Variants in CPLX4 observed in about 807,000 individuals in gnomAD.
CPLX4 encodes complexin-4.
Under a neutral mutation model 16.1 loss-of-function variants are expected in CPLX4, and 17 were observed. That is an observed-to-expected ratio of 1.06 (90% CI 0.72 to 1.59). CPLX4 has a LOEUF of 1.59. Ranked by LOEUF, CPLX4 falls within the 40% of genes most tolerant of loss-of-function variation. The probability of loss-of-function intolerance (pLI) is 0.00; values close to 1 mark genes in which losing one functional copy is unlikely to be tolerated. For missense variants in CPLX4, 193 were observed against 192.9 expected (o/e 1.00, Z 0.00); for synonymous variants, 55 against 57.8 (o/e 0.95, Z 0.22).
intron 2 of CPLX4, among the ~76,000 whole-genome samples, chr18:59,301,397 A>G (rs1289240614): frequency 6.6e-6 from 1 of 152,214 alleles, no homozygotes; most frequent in Non-Finnish European, 1.5e-5. Context: ...GGTGTACTCG[A>G]TGGCTGTGGT....
intron 2 of CPLX4, among the ~76,000 whole-genome samples, chr18:59,308,615 G>A (rs1191305793): frequency 6.8e-6 from 1 of 146,166 alleles, no homozygotes; most frequent in Non-Finnish European, 1.5e-5. Context: ...ACCACCCGCA[G>A]CCCGGGTTCC....
intron 1 of CPLX4, among the ~76,000 whole-genome samples, chr18:59,317,567 G>T (rs936118542): frequency 6.6e-6 from 1 of 152,064 alleles, no homozygotes; most frequent in Admixed American, 6.5e-5. Context: ...GGTGGCTGAA[G>T]TATTTGGGGG....
At chr18:59,307,689 T>C (rs562946790) in intron 2 of CPLX4, among the ~76,000 whole-genome samples, 3 of 152,064 alleles carry the variant, frequency 2.0e-5, no homozygotes, top group African/African-American at 7.2e-5. Flanking sequence ...AGGGTCTCCT[T>C]GCTCCTTAAT....
intron 2 of CPLX4, among the ~76,000 whole-genome samples, chr18:59,297,268 G>T (rs1255714322): frequency 6.6e-6 from 1 of 150,754 alleles, no homozygotes; most frequent in East Asian, 1.9e-4. Flanking sequence ...ATGGAGCCCA[G>T]CCATCTGGAA....
intron 2 of CPLX4, among the ~76,000 whole-genome samples, chr18:59,304,481 A>T (rs2070562389): frequency 6.6e-6 from 1 of 152,238 alleles, no homozygotes; most frequent in African/African-American, 2.4e-5. Context: ...TCCAATCTGG[A>T]CTAGTTATTT....
chr18:59,304,773 T>G (rs1341313076), intron 2 of CPLX4, among the ~76,000 whole-genome samples: 2 of 152,216 alleles, frequency 1.3e-5, no homozygotes, highest in Admixed American at 6.5e-5. Flanking sequence ...GGTTTCACCA[T>G]GTTGGCCAGG....
chr18:59,307,352 G>A (rs530488145), intron 2 of CPLX4, among the ~76,000 whole-genome samples: 2 of 152,310 alleles, frequency 1.3e-5, no homozygotes, highest in East Asian at 3.9e-4. Flanking sequence ...AAAGTACTGT[G>A]GTCATCCAGG....
chr18:59,314,362 C>A (rs2070638370), intron 1 of CPLX4, among the ~76,000 whole-genome samples: 1 of 151,624 alleles, frequency 6.6e-6, no homozygotes, highest in Admixed American at 6.6e-5. Flanking sequence ...TTTTTTTTAT[C>A]ACACCTATTC....
intron 1 of CPLX4, among the ~76,000 whole-genome samples, chr18:59,317,467 A>G (rs750622524): frequency 1.3e-5 from 2 of 152,092 alleles, no homozygotes; most frequent in African/African-American, 2.4e-5. Context: ...TTCACATTCT[A>G]TAATACCCAA....
At chr18:59,296,997 A>G in intron 2 of CPLX4, 72 bp from the exon 3 acceptor site, 5 of 1,530,948 alleles carry the variant, frequency 3.3e-6, no homozygotes, top group Non-Finnish European at 4.4e-6. Flanking sequence ...AAATTTTAAA[A>G]GCAGCAGGAA....
At chr18:59,315,736 G>T (rs553060951) in intron 1 of CPLX4, among the ~76,000 whole-genome samples, 1 of 152,210 alleles carries the variant, frequency 6.6e-6, no homozygotes, top group African/African-American at 2.4e-5. Flanking sequence ...AGGGGTCAAA[G>T]TTCAATGTTT....
At chr18:59,308,169 C>T (rs2070590374) in intron 2 of CPLX4, among the ~76,000 whole-genome samples, 1 of 152,124 alleles carries the variant, frequency 6.6e-6, no homozygotes. Context: ...TCAATAACAA[C>T]CAGCAGCTAA....
chr18:59,312,404 CATAT>C (rs148898896), intron 2 of CPLX4, among the ~76,000 whole-genome samples: 9 of 139,092 alleles, frequency 6.5e-5, no homozygotes, highest in African/African-American at 1.9e-4. Context: ...TACGTGTGTG[CATAT>C]ATATATATAT....
intron 2 of CPLX4, among the ~76,000 whole-genome samples, chr18:59,311,493 A>T (rs2144189864): frequency 6.6e-6 from 1 of 152,200 alleles, no homozygotes; most frequent in East Asian, 1.9e-4. Flanking sequence ...TTTTTCTGGG[A>T]TCTGCTGGGG....
At chr18:59,303,248 G>A (rs2070554065) in intron 2 of CPLX4, among the ~76,000 whole-genome samples, 1 of 152,130 alleles carries the variant, frequency 6.6e-6, no homozygotes, top group South Asian at 2.1e-4. Flanking sequence ...TAGGACAGAT[G>A]GTGTGGATTT....
chr18:59,308,541 CT>C lies in CPLX4; in HGVS notation c.255+4143del, dbSNP rs372511937. On this transcript the variant is annotated intron_variant, in intron 2 of 2. Coordinates refer to ENST00000299721, the MANE Select transcript of CPLX4 (RefSeq NM_181654.4). The stretch of plus-strand genomic sequence containing the variant: ...CATCCCATCCAATGACCTATCAAGA[CT>C]TTTTTTTTTTTTTTTTTTAAGTCAC... Among the ~76,000 whole-genome samples, 1,039 of 119,374 alleles carry C rather than the reference CT, an allele frequency of 8.7e-3. 10 individuals are homozygous for C. Among genetic ancestry groups the C allele is most frequent in the East Asian group, 0.036 (141 of 3,928 alleles). The allele number at this position is 119,374 out of a possible 152,430, so 78.3% of individuals were successfully genotyped here. A position where few individuals can be genotyped will look rare whatever the true frequency, so the allele number is the denominator to read the frequency against.
intron 2 of CPLX4, among the ~76,000 whole-genome samples, chr18:59,303,845 G>A (rs962162162): frequency 1.3e-5 from 2 of 152,312 alleles, no homozygotes; most frequent in East Asian, 1.9e-4. Flanking sequence ...GGAGCAAACC[G>A]AACTGGGGCA....
At chr18:59,304,858 C>A (rs1007599954) in intron 2 of CPLX4, among the ~76,000 whole-genome samples, 12 of 152,034 alleles carry the variant, frequency 7.9e-5, no homozygotes, top group Admixed American at 1.3e-4. Flanking sequence ...GGGTGAGCCA[C>A]TGCGCCCGGC....
At chr18:59,298,672 A>G (rs920663464) in intron 2 of CPLX4, among the ~76,000 whole-genome samples, 2 of 152,214 alleles carry the variant, frequency 1.3e-5, no homozygotes, top group East Asian at 3.9e-4. Flanking sequence ...GGTGCTATGT[A>G]GGAATGATCA....
Sources: gnomAD v4.1 joint callset for allele counts (sites outside exome capture counted in the v4.1 genomes callset) on GRCh38, gnomAD v4.1.1 for gene constraint, MANE v1.5 for transcripts, NCBI Gene and HGNC (gene_info 2026-07-23, HGNC 2026-07-21) for gene names.